CDC42EP4: variants seen among roughly 807,000 people sequenced by gnomAD.
The protein encoded by CDC42EP4 is CDC42 effector protein (Rho GTPase binding) 4.
In CDC42EP4, 6 loss-of-function variants were observed where a neutral mutation model predicts 5.6. The observed-to-expected ratio is 1.07, with a 90% CI of 0.59 to 2.12. CDC42EP4 has a LOEUF of 2.12. CDC42EP4 is among the 30% of genes most tolerant of loss of function. The probability of loss-of-function intolerance (pLI) is 0.00; values close to 1 mark genes in which losing one functional copy is unlikely to be tolerated. For synonymous variants in CDC42EP4, 230 were observed against 224.2 expected (o/e 1.03, Z -0.23); for missense variants, 490 against 508.6 (o/e 0.96, Z 0.35).
At chr17:73,292,960 T>C (rs934492879) in intron 1 of CDC42EP4, among the ~76,000 whole-genome samples, 2 of 152,138 alleles carry the variant, frequency 1.3e-5, no homozygotes, top group African/African-American at 4.8e-5. Context: ...TCAGGTGATC[T>C]GCCCGCCTCG....
chr17:73,286,302 C>G lies in CDC42EP4; in HGVS notation c.199G>C (p.Glu67Gln), dbSNP rs185165304. 9.9e-6 allele frequency: 16 copies of G among 1,614,216 alleles called. No homozygotes were observed. The East Asian group carries it at 3.1e-4, about 31-fold the overall frequency. ...TTGGAAGATGAAGAAGAGGGCTGTTCGTCCAAGGACTCGCCGTCGGGCTCG... is the reference window on the plus strand; with the variant it reads ...TTGGAAGATGAAGAAGAGGGCTGTTGGTCCAAGGACTCGCCGTCGGGCTCG... ...AGEPDGESLD[E>Q]QPSSSSSKRS... The change falls in exon 2 of 2, where the codon GAA becomes CAA. Residue 67 changes from glutamate to glutamine, a missense_variant. Transcript: ENST00000335793. This position sits in a 1 kb window ranked among gnomAD's most constrained non-coding sequence, Gnocchi z 7.7.
chr17:73,291,300 C>T (rs998326079), intron 1 of CDC42EP4, among the ~76,000 whole-genome samples: 9 of 152,150 alleles, frequency 5.9e-5, no homozygotes, highest in African/African-American at 2.2e-4. Context: ...TCCCACTGCC[C>T]CAGCGAGGAG....
chr17:73,295,724 G>A (rs1245691371), intron 1 of CDC42EP4, among the ~76,000 whole-genome samples: 1 of 151,884 alleles, frequency 6.6e-6, no homozygotes, highest in Non-Finnish European at 1.5e-5. Context: ...CCAACATGGT[G>A]AAACCCCATC....
chr17:73,289,959 T>C (rs2062154271), intron 1 of CDC42EP4, among the ~76,000 whole-genome samples: 1 of 152,092 alleles, frequency 6.6e-6, no homozygotes, highest in African/African-American at 2.4e-5. Context: ...CTCAGTCACG[T>C]TGGGCATAGA....
rs1455787870 is a variant in CDC42EP4 at position 73,286,501 on chromosome 17, C to A, written c.-1G>T. 1.3e-6 allele frequency: 2 copies of A among 1,583,492 alleles called. No individual in the cohort carries two copies. The highest frequency in any genetic ancestry group is 2.3e-5 in the South Asian group (2 of 86,966). The stretch of plus-strand genomic sequence containing the variant: ...ACACCAGTTGCTTGAGGATTGGCAT[C>A]TTGCTGGATGGGCGGGGAGGTGGGC... On this transcript the variant is annotated 5_prime_UTR_variant, in exon 2 of 2. Coordinates refer to ENST00000335793, the MANE Select transcript of CDC42EP4 (RefSeq NM_012121.5). This position sits in a 1 kb window ranked among gnomAD's most constrained non-coding sequence, Gnocchi z 7.7.
At chr17:73,297,651 G>GTTTATTTA (rs535638965) in intron 1 of CDC42EP4, among the ~76,000 whole-genome samples, 1 of 151,248 alleles carries the variant, frequency 6.6e-6, no homozygotes, top group African/African-American at 2.4e-5. Flanking sequence ...TTTTCTTTTT[G>GTTTATTTA]TTTATTTATT....
chr17:73,290,567 G>C (rs1012148166), intron 1 of CDC42EP4, among the ~76,000 whole-genome samples: 1 of 152,202 alleles, frequency 6.6e-6, no homozygotes, highest in African/African-American at 2.4e-5. Flanking sequence ...GTCACAACAA[G>C]CAAAACTGTC....
chr17:73,299,764 G>A (rs762342800), intron 1 of CDC42EP4, among the ~76,000 whole-genome samples: 18 of 152,060 alleles, frequency 1.2e-4, no homozygotes, highest in Non-Finnish European at 1.8e-4. Flanking sequence ...TCTGGGAGCC[G>A]GTTAACCTAA....
At chr17:73,300,293 C>T (rs1227933358) in intron 1 of CDC42EP4, among the ~76,000 whole-genome samples, 1 of 152,136 alleles carries the variant, frequency 6.6e-6, no homozygotes, top group Non-Finnish European at 1.5e-5. Context: ...TTCCCCCCAC[C>T]ACCCCCAGCC....
At chr17:73,306,060 G>A (rs1428718573) in intron 1 of CDC42EP4, among the ~76,000 whole-genome samples, 1 of 152,158 alleles carries the variant, frequency 6.6e-6, no homozygotes, top group East Asian at 1.9e-4. Context: ...CTTTAATGAT[G>A]CCAGAAGAAG....
intron 1 of CDC42EP4, among the ~76,000 whole-genome samples, chr17:73,301,498 A>G (rs1353076647): frequency 3.9e-5 from 6 of 152,154 alleles, no homozygotes; most frequent in Non-Finnish European, 8.8e-5. Flanking sequence ...GGTTGTTTCC[A>G]TTTTCAGTTG....
rs958012423 is a variant in CDC42EP4, at chr17:73,283,797, C to T, written c.*1633G>A. ...CCTAAGCTATTGGAAACAGGAGCAC[C>T]AACAGGGCACCGAACCTGGAACTAA... On this transcript the variant is annotated 3_prime_UTR_variant, in exon 2 of 2. Coordinates refer to ENST00000335793, the MANE Select transcript of CDC42EP4 (RefSeq NM_012121.5). 1 of 152,274 alleles carries T rather than the reference C, an allele frequency of 6.6e-6. No individual in the cohort carries two copies. Among genetic ancestry groups the T allele is most frequent in the Non-Finnish European group, 1.5e-5 (1 of 68,092 alleles). 9.4% of individuals were successfully genotyped at this position (152,274 alleles called of 1,614,324 possible). A position where few individuals can be genotyped will look rare whatever the true frequency, so the allele number is the denominator to read the frequency against.
At chr17:73,303,722 G>T (rs1348877053) in intron 1 of CDC42EP4, among the ~76,000 whole-genome samples, 1 of 150,310 alleles carries the variant, frequency 6.7e-6, no homozygotes, top group African/African-American at 2.5e-5. Flanking sequence ...ATGGCTCCTA[G>T]AAAGCATAAA....
rs533252431 is a variant in CDC42EP4 at position 73,290,422 on chromosome 17, T to C, written c.-112-3810A>G. On this transcript the variant is annotated intron_variant, in intron 1 of 1. Coordinates refer to ENST00000335793, the MANE Select transcript of CDC42EP4 (RefSeq NM_012121.5). ...CTTCAAGAAGGTTCTTGTGTAATCC[T>C]AGAGCAGGTTCCACACTGTTGCTAT... Among the ~76,000 whole-genome samples the C allele has an allele frequency of 2.6e-5, 4 of 152,324 alleles. No homozygotes were observed. The South Asian group carries it at 8.3e-4, about 32-fold the overall frequency.
At chr17:73,302,352 T>A (rs1402119376) in intron 1 of CDC42EP4, among the ~76,000 whole-genome samples, 2 of 152,228 alleles carry the variant, frequency 1.3e-5, no homozygotes, top group African/African-American at 4.8e-5. Flanking sequence ...ACCACTGACA[T>A]GAAACATCTC....
Position 73,285,795 on chromosome 17 carries a change from C to T in CDC42EP4, c.706G>A (p.Glu236Lys), listed in dbSNP as rs780861140. Residue 236 changes from glutamate to lysine, a missense_variant, in exon 2 of 2, where the codon GAG (glutamate) becomes AAG (lysine). Transcript: ENST00000335793. The surrounding 1 kb of genome is among the most constrained non-coding windows in gnomAD (Gnocchi z 6.8). ...CCCTCATCGCCATGGTAACCACCCT[C>T]CCCCTCCTCGGGGTCCCACTCCTCC... ...DKEEWDPEEGEGGYHGDEGAA... is the reference protein window; with the variant it reads ...DKEEWDPEEGKGGYHGDEGAA... 3.1e-6 allele frequency: 5 copies of T among 1,603,438 alleles called. No homozygotes were observed. Among genetic ancestry groups the T allele is most frequent in the Non-Finnish European group, 4.3e-6 (5 of 1,171,150 alleles).
chr17:73,289,670 C>T (rs1490882222), intron 1 of CDC42EP4, among the ~76,000 whole-genome samples: 1 of 134,916 alleles, frequency 7.4e-6, no homozygotes, highest in African/African-American at 2.6e-5. Context: ...TCATATATGA[C>T]CCTCTTGGCC....
intron 1 of CDC42EP4, among the ~76,000 whole-genome samples, chr17:73,292,022 G>C (rs182025987): frequency 6.6e-6 from 1 of 152,334 alleles, no homozygotes; most frequent in East Asian, 1.9e-4. Context: ...AGGACAGACG[G>C]GACCAACACT....
rs780308501 is a variant in CDC42EP4 at position 73,286,219 on chromosome 17, C to G, written c.282G>C (p.Arg94Ser). 8 of 1,614,080 alleles carry G rather than the reference C, an allele frequency of 5.0e-6. No homozygotes were observed. The highest frequency in any genetic ancestry group is 2.2e-5 in the East Asian group (1 of 44,894). The part of the protein sequence containing the change: ...RGSKRSQSVT[R>S]GEREQRDMLG... ...GCATGTCACGCTGCTCCCGCTCCCC[C>G]CTGGTCACCGACTGTGACCGCTTGC... Residue 94 changes from arginine (R) to serine (S), a missense_variant, in exon 2 of 2, where the codon AGG (arginine) becomes AGC (serine). Transcript: ENST00000335793. This position sits in a 1 kb window ranked among gnomAD's most constrained non-coding sequence, Gnocchi z 7.7.
Sources: gnomAD v4.1 joint callset for allele counts (sites outside exome capture counted in the v4.1 genomes callset) on GRCh38, gnomAD v4.1.1 for gene constraint, Gnocchi (gnomAD v3.1) non-coding constraint, MANE v1.5 for transcripts, NCBI Gene and HGNC (gene_info 2026-07-23, HGNC 2026-07-21) for gene names.